CDC42BPG: variants seen among roughly 807,000 people sequenced by gnomAD.
CDC42BPG encodes the protein serine/threonine-protein kinase MRCK gamma.
A neutral mutation model predicts 192.2 loss-of-function variants in CDC42BPG; 157 were observed. The observed-to-expected ratio is 0.82, with a 90% CI of 0.72 to 0.93. CDC42BPG has a LOEUF of 0.93. Among genes scored for constraint, CDC42BPG ranks in the 40% least tolerant of loss-of-function variants. The pLI is 0.00. For synonymous variants in CDC42BPG, 981 were observed against 918.5 expected (o/e 1.07, Z -1.23); for missense variants, 1,992 against 2,122.1 (o/e 0.94, Z 1.20).
At chr11:64,830,439 G>A in intron 28 of CDC42BPG, 183 bp from the exon 29 acceptor site, 1 of 640,528 alleles carries the variant, frequency 1.6e-6, no homozygotes, top group Non-Finnish European at 2.8e-6. Flanking sequence ...AGGGGTTGGG[G>A]TGAGGCCCAT....
rs780964360 is a variant in CDC42BPG at position 64,832,864 on chromosome 11, C to T, written c.2827G>A (p.Glu943Lys). ...TCATAGGCAGTGCCTGTGCCTGTTTCGGGGTGTACTCCCAGGGCTGTGCGG... is the reference window on the plus strand; with the variant it reads ...TCATAGGCAGTGCCTGTGCCTGTTTTGGGGTGTACTCCCAGGGCTGTGCGG... ...LLRTALGVHP[E>K]TGTGTAYEGF... The change falls in exon 25 of 37, where the codon GAA becomes AAA. Residue 943 changes from glutamate (E) to lysine (K), a missense_variant. Glu to Lys is a moderately conservative substitution (Grantham distance 56). This residue lies in a region of CDC42BPG where 1,656 missense variants were observed against 1,844.3 expected (regional missense o/e 0.90). Coordinates refer to ENST00000342711, the MANE Select transcript of CDC42BPG (RefSeq NM_017525.3). 5.0e-5 allele frequency: 78 copies of T among 1,567,098 alleles called. No individual in the cohort carries two copies. The highest frequency in any genetic ancestry group is 4.1e-5 in the Non-Finnish European group (47 of 1,156,472).
At position 64,840,622 on chromosome 11, in the gene CDC42BPG, A is replaced by C. The variant is rs1455975587; in HGVS notation, c.363T>G (p.Asp121Glu). 1 of 1,613,896 alleles carries C rather than the reference A, an allele frequency of 6.2e-7. No homozygotes were observed. The highest frequency in any genetic ancestry group is 1.7e-5 in the Admixed American group (1 of 60,030). ...AETACFREERDVLVKGDSRWV... is the reference protein window; with the variant it reads ...AETACFREEREVLVKGDSRWV... ...AACGGCTGTCCCCTTTCACGAGCAC[A>C]TCCCGCTCCTCCCGGAAACAGGCTG... Residue 121 changes from aspartate (D) to glutamate (E), a missense_variant, in exon 4 of 37, where the codon GAT (aspartate) becomes GAG (glutamate). Transcript: ENST00000342711.
chr11:64,832,812 C>G lies in CDC42BPG; in HGVS notation c.2865+14G>C, dbSNP rs373747421. 12 of 1,588,078 alleles carry G rather than the reference C, an allele frequency of 7.6e-6. No homozygotes were observed. The highest frequency in any genetic ancestry group is 3.5e-5 in the Admixed American group (2 of 56,590). ...CCCCCATGCCCATCTTCCCCTCCCTCGGCCCCCACTCACCGACAGAAAGCC... is the reference window on the plus strand; with the variant it reads ...CCCCCATGCCCATCTTCCCCTCCCTGGGCCCCCACTCACCGACAGAAAGCC... On this transcript the variant is annotated intron_variant, in intron 25 of 36. Transcript: ENST00000342711.
At chr11:64,825,668 G>A (rs1942386394) in intron 36 of CDC42BPG, among the ~76,000 whole-genome samples, 2 of 152,114 alleles carry the variant, frequency 1.3e-5, no homozygotes, top group Admixed American at 1.3e-4. Flanking sequence ...GGGGGAATGG[G>A]AACCTCCCTG....
rs758152843 is a variant in CDC42BPG, at chr11:64,832,924, G to A, written c.2767C>T (p.Gln923Ter). ...GYFCHTTCAP[Q>*]APPCPVPPDL... is the part of the protein sequence containing the mutation. ...GGGGGCACGGGGCAGGGTGGGGCCT[G>A]TGGGGCACAGGTTGTGTGACAAAAG... The change falls in exon 25 of 37, where the codon CAG becomes TAG. Residue 923 changes from glutamine to a stop codon, truncating the protein, a stop_gained. Transcript: ENST00000342711. LOFTEE classifies it high-confidence loss of function. The A allele has an allele frequency of 1.9e-6, 3 of 1,544,086 alleles. No homozygotes were observed. Among genetic ancestry groups the A allele is most frequent in the African/African-American group, 2.8e-5 (2 of 72,714 alleles).
chr11:64,834,041 G>T, intron 20 of CDC42BPG, 64 bp from the exon 21 acceptor site: 2 of 1,603,306 alleles, frequency 1.2e-6, no homozygotes, highest in Non-Finnish European at 1.7e-6. Flanking sequence ...GTCCAGGAGG[G>T]GCCTCAGTTC....
Position 64,827,360 on chromosome 11 carries a change from T to C in CDC42BPG, c.4189A>G (p.Ser1397Gly). ...EFDIPDLTDN[S>G]RRQLFRTKSK... ...TTGGTGCGGAACAGCTGGCGCCGGC[T>C]GTTGTCGGTGAGGTCCGGGATGTCG... The change falls in exon 33 of 37, where the codon AGC becomes GGC. Residue 1397 changes from serine (S) to glycine (G), a missense_variant. By Grantham distance (56) the Ser-to-Gly change is moderately conservative. Transcript: ENST00000342711. 2 of 1,614,082 alleles carry C rather than the reference T, an allele frequency of 1.2e-6. No individual in the cohort carries two copies. Among genetic ancestry groups the C allele is most frequent in the Non-Finnish European group, 1.7e-6 (2 of 1,179,934 alleles).
At position 64,841,863 on chromosome 11, in the gene CDC42BPG, T is replaced by C. The variant is rs1943295786; in HGVS notation, c.202A>G (p.Arg68Gly). ...VSKVKELRLQRDDFEILKVIG... is the reference protein window; with the variant it reads ...VSKVKELRLQGDDFEILKVIG... The stretch of plus-strand genomic sequence containing the variant: ...ACCTTCAAGATCTCAAAGTCATCTC[T>C]CTGCAGACGCAGTTCTTTCACCTTT... The change falls in exon 2 of 37, where the codon AGA becomes GGA. Residue 68 changes from arginine to glycine, a missense_variant. By Grantham distance (125) the Arg-to-Gly change is moderately radical (BLOSUM62 -2). Transcript: ENST00000342711. 2 of 1,613,786 alleles carry C rather than the reference T, an allele frequency of 1.2e-6. No individual in the cohort carries two copies. The highest frequency in any genetic ancestry group is 1.7e-5 in the Admixed American group (1 of 59,994).
At chr11:64,826,646 C>T (rs1331639089) in intron 35 of CDC42BPG, 25 bp downstream of exon 35, 2 of 1,585,562 alleles carry the variant, frequency 1.3e-6, no homozygotes, top group Admixed American at 1.7e-5. Flanking sequence ...GGGTGGCACA[C>T]TGGAGGCTGA....
At chr11:64,837,481 G>C (rs1204678679) in intron 9 of CDC42BPG, among the ~76,000 whole-genome samples, 2 of 152,114 alleles carry the variant, frequency 1.3e-5, no homozygotes, top group Non-Finnish European at 2.9e-5. Context: ...CACCCATTTT[G>C]AGACAGAGTC....
chr11:64,835,933 G>A, intron 13 of CDC42BPG, 82 bp from the exon 14 acceptor site: 8 of 1,385,498 alleles, frequency 5.8e-6, no homozygotes, highest in Non-Finnish European at 6.9e-6. Flanking sequence ...CTCCAGACCT[G>A]CCAGCCACAG....
intron 30 of CDC42BPG, 91 bp from the exon 31 acceptor site, chr11:64,827,874 C>T (rs1004109589): frequency 1.4e-5 from 16 of 1,110,958 alleles, no homozygotes; most frequent in African/African-American, 4.7e-5. Context: ...ACTACCATGC[C>T]CCACGCTAAG....
At position 64,844,434 on chromosome 11, in the gene CDC42BPG, T is replaced by C. The variant is rs1318575529; in HGVS notation, c.136A>G (p.Ser46Gly). ...LSSGPLRRER[S>G]VAQFLSWASP... is the part of the protein sequence containing the mutation. ...CCCCAGCTCAGGAACTGCGCCACGC[T>C]GCGCTCCCGCCGTAGGGGGCCGCTG... Residue 46 changes from serine to glycine, a missense_variant, in exon 1 of 37, where the codon AGC becomes GGC. By Grantham distance (56) the Ser-to-Gly change is moderately conservative. Transcript: ENST00000342711. The C allele has an allele frequency of 1.4e-6, 2 of 1,454,052 alleles. No homozygotes were observed. The highest frequency in any genetic ancestry group is 3.0e-5 in the African/African-American group (2 of 67,504). 90.1% of individuals were successfully genotyped at this position (1,454,052 alleles called of 1,614,324 possible). A position where few individuals can be genotyped will look rare whatever the true frequency, so the allele number is the denominator to read the frequency against.
At chr11:64,838,022 C>T in intron 9 of CDC42BPG, 61 bp downstream of exon 9, 1 of 1,419,852 alleles carries the variant, frequency 7.0e-7, no homozygotes, top group Non-Finnish European at 9.7e-7. Context: ...GCTACGCGCC[C>T]AGTGTCCTCC....
intron 8 of CDC42BPG, 24 bp from the exon 9 acceptor site, chr11:64,838,186 G>A: frequency 4.6e-6 from 7 of 1,534,756 alleles, no homozygotes; most frequent in Non-Finnish European, 5.3e-6. Context: ...GGGAAGGAGA[G>A]TCAGAGTCCA....
chr11:64,835,866 G>C lies in CDC42BPG; in HGVS notation c.1669-15C>G, dbSNP rs1942960810. 1 of 1,603,426 alleles carries C rather than the reference G, an allele frequency of 6.2e-7. No individual in the cohort carries two copies. Among genetic ancestry groups the C allele is most frequent in the African/African-American group, 1.3e-5 (1 of 74,866 alleles). ...TGGGCCTCCAGCTGTGAGGGGTGCA[G>C]AGGCAGGCCACTGCCAACTCTGCCC... is the stretch of plus-strand genomic sequence containing the variant. On this transcript the variant is annotated splice_polypyrimidine_tract_variant and intron_variant, in intron 13 of 36. Coordinates refer to ENST00000342711, the MANE Select transcript of CDC42BPG (RefSeq NM_017525.3).
At chr11:64,843,316 A>AAC (rs748622467) in intron 1 of CDC42BPG, among the ~76,000 whole-genome samples, 2 of 151,966 alleles carry the variant, frequency 1.3e-5, no homozygotes, top group African/African-American at 4.8e-5. Context: ...TGTGTGTGCA[A>AAC]ACACACACAC....
rs1280285882 is a variant in CDC42BPG at position 64,827,134 on chromosome 11, C to G, written c.4305G>C (p.Lys1435Asn). 3.7e-6 allele frequency: 6 copies of G among 1,614,146 alleles called. No individual in the cohort carries two copies. Among genetic ancestry groups the G allele is most frequent in the Non-Finnish European group, 4.2e-6 (5 of 1,179,998 alleles). ...EMLKDPFVRS[K>N]LISPPTNFNH... Reference sequence around the variant, plus strand: ...TGAAGTTGGTAGGCGGCGAGATGAGCTTGGAGCGCACAAAAGGGTCCTTCA... The same window carrying G: ...TGAAGTTGGTAGGCGGCGAGATGAGGTTGGAGCGCACAAAAGGGTCCTTCA... Residue 1435 changes from lysine to asparagine, a missense_variant, in exon 34 of 37, where the codon AAG (lysine) becomes AAC (asparagine). Physicochemically the swap from Lys to Asn is moderately conservative, Grantham distance 94. This residue lies in a region of CDC42BPG where 336 missense variants were observed against 277.9 expected (regional missense o/e 1.21). Coordinates refer to ENST00000342711, the MANE Select transcript of CDC42BPG (RefSeq NM_017525.3).
rs1942979472 is a variant in CDC42BPG at position 64,836,236 on chromosome 11, C to T, written c.1549G>A (p.Gly517Arg). 1.9e-6 allele frequency: 3 copies of T among 1,600,766 alleles called. No individual in the cohort carries two copies. The highest frequency in any genetic ancestry group is 1.1e-5 in the South Asian group (1 of 89,732). The change falls in exon 13 of 37, where the codon GGG (glycine) becomes AGG (arginine). Residue 517 changes from glycine (G) to arginine (R), a missense_variant. This residue lies in a region of CDC42BPG where 1,656 missense variants were observed against 1,844.3 expected (regional missense o/e 0.90). Coordinates refer to ENST00000342711, the MANE Select transcript of CDC42BPG (RefSeq NM_017525.3). ...AQEQELCRAQGQQEELLQRLQ... is the reference protein window; with the variant it reads ...AQEQELCRAQRQQEELLQRLQ... ...CTCTGAAGCAGCTCCTCCTGCTGCC[C>T]CTGGGCCCTGCAGAGCTCCTGCTCC...
Sources: gnomAD v4.1 joint callset for allele counts (sites outside exome capture counted in the v4.1 genomes callset) on GRCh38, gnomAD v4.1.1 for gene constraint, gnomAD v4.1.1 regional missense constraint, MANE v1.5 for transcripts, NCBI Gene and HGNC (gene_info 2026-07-23, HGNC 2026-07-21) for gene names.